The following TENM2 variants were observed in gnomAD, a reference collection of about 807,000 sequenced individuals.
The protein encoded by TENM2 is teneurin-2.
In TENM2, 52 loss-of-function variants were observed where a neutral mutation model predicts 245.2. The observed-to-expected ratio is 0.21, with a 90% CI of 0.17 to 0.27. The LOEUF (loss-of-function observed/expected upper bound fraction) is 0.27. TENM2 is among the 10% of genes least tolerant of loss of function. TENM2 has a pLI of 1.00. For synonymous variants in TENM2, 1,363 were observed against 1,438.9 expected, an observed-to-expected ratio of 0.95 and a Z score of 1.19; for missense variants, 3,046 against 3,666.8, an observed-to-expected ratio of 0.83 and a Z score of 4.37.
At chr5:167,818,832 T>A (rs1041960922) in intron 2 of TENM2, among the ~76,000 whole-genome samples, 1 of 152,290 alleles carries the variant, frequency 6.6e-6, no homozygotes, top group Non-Finnish European at 1.5e-5. Flanking sequence ...CGGGTTGAAT[T>A]CCTTAGTGGG....
intron 2 of TENM2, among the ~76,000 whole-genome samples, chr5:167,379,405 A>T (rs1362772044): frequency 2.0e-5 from 3 of 152,124 alleles, no homozygotes; most frequent in Non-Finnish European, 4.4e-5. Flanking sequence ...ACCGGGGACA[A>T]TGTCCTTAGA....
chr5:167,945,324 G>T (rs191168178), intron 3 of TENM2, among the ~76,000 whole-genome samples: 37 of 152,180 alleles, frequency 2.4e-4, no homozygotes, highest in South Asian at 2.1e-4. Context: ...AAGCACCCGG[G>T]GGGGGCACAG....
intron 1 of TENM2, among the ~76,000 whole-genome samples, chr5:167,301,842 G>C (rs530744034): frequency 6.6e-6 from 1 of 152,250 alleles, no homozygotes; most frequent in East Asian, 1.9e-4. Context: ...GGCAGGTGGG[G>C]GAGGGCTAGT....
chr5:167,561,257 C>T (rs1773568669), intron 2 of TENM2, among the ~76,000 whole-genome samples: 1 of 152,202 alleles, frequency 6.6e-6, no homozygotes, highest in Non-Finnish European at 1.5e-5. Context: ...ATAACAATTA[C>T]ATTGCACATT....
chr5:167,367,791 G>T (rs1243809436), intron 1 of TENM2, among the ~76,000 whole-genome samples: 1 of 151,914 alleles, frequency 6.6e-6, no homozygotes, highest in African/African-American at 2.4e-5. Flanking sequence ...ATTTTGATTT[G>T]TCAAACAGAA....
chr5:167,965,448 G>C (rs1033312515), intron 4 of TENM2: 3 of 151,864 alleles, frequency 2.0e-5, no homozygotes, highest in Admixed American at 6.6e-5. Context: ...CAGATGCAGT[G>C]GTTCATACCT....
chr5:167,697,190 G>T (rs1249759974), intron 2 of TENM2, among the ~76,000 whole-genome samples: 2 of 152,162 alleles, frequency 1.3e-5, no homozygotes, highest in African/African-American at 2.4e-5. Flanking sequence ...ACCCCTGTCT[G>T]CCTGAGAAAG....
At chr5:167,005,338 T>C in the TENM2 span, among the ~76,000 whole-genome samples, 1 of 152,208 alleles carries the variant, frequency 6.6e-6, no homozygotes. Context: ...CAGTAGTCTG[T>C]CAGACAAGGG....
At chr5:167,501,103 C>G (rs1420208298) in intron 2 of TENM2, among the ~76,000 whole-genome samples, 1 of 152,170 alleles carries the variant, frequency 6.6e-6, no homozygotes, top group African/African-American at 2.4e-5. Flanking sequence ...CACACAAATA[C>G]TTTCTTTCTT....
At chr5:167,861,518 C>T (rs1339638160) in intron 2 of TENM2, among the ~76,000 whole-genome samples, 4 of 152,164 alleles carry the variant, frequency 2.6e-5, no homozygotes, top group Admixed American at 6.5e-5. Flanking sequence ...CATCTGGGCC[C>T]GGGTGCCCGT....
intron 11 of TENM2, among the ~76,000 whole-genome samples, 167 bp from the exon 14 acceptor site, chr5:168,126,587 T>A (rs1244441952): frequency 6.6e-6 from 1 of 152,116 alleles, no homozygotes; most frequent in Admixed American, 6.5e-5. Context: ...GAAAAAAAGA[T>A]CTAACAATGA....
At chr5:168,200,075 T>A (rs1179789421) in exon 17 of TENM2, 16 of 1,613,926 alleles carry the variant, frequency 9.9e-6, no homozygotes, top group Non-Finnish European at 1.2e-5. Context: ...TACACCTTCA[T>A]CTGGGACAAG....
At chr5:168,000,655 TA>T (rs1784357723) in intron 5 of TENM2, among the ~76,000 whole-genome samples, 1 of 152,168 alleles carries the variant, frequency 6.6e-6, no homozygotes, top group African/African-American at 2.4e-5. Flanking sequence ...GGTTGTCAAT[TA>T]AACTATGCCA....
chr5:168,114,345 C>G (rs1368965772), intron 9 of TENM2, among the ~76,000 whole-genome samples: 2 of 152,202 alleles, frequency 1.3e-5, no homozygotes, highest in African/African-American at 2.4e-5. Context: ...TCCACTTCTG[C>G]TCCGTAATAC....
chr5:168,130,673 G>A (rs1357717470), intron 12 of TENM2, among the ~76,000 whole-genome samples: 1 of 152,144 alleles, frequency 6.6e-6, no homozygotes, highest in African/African-American at 2.4e-5. Context: ...TGAGGTAGAC[G>A]GACCACTTGA....
chr5:167,842,389 G>A (rs1769609202), intron 2 of TENM2, among the ~76,000 whole-genome samples: 1 of 151,980 alleles, frequency 6.6e-6, no homozygotes, highest in South Asian at 2.1e-4. Flanking sequence ...AGGAGTTCAA[G>A]ACCAGCCTGG....
intron 2 of TENM2, among the ~76,000 whole-genome samples, chr5:167,830,730 G>A (rs1668880875): frequency 6.6e-6 from 1 of 152,174 alleles, no homozygotes; most frequent in Non-Finnish European, 1.5e-5. Context: ...TCTAGAACAG[G>A]AGTTCTCAAA....
At chr5:167,143,969 A>G in the TENM2 span, among the ~76,000 whole-genome samples, 2 of 152,084 alleles carry the variant, frequency 1.3e-5, no homozygotes, top group South Asian at 2.1e-4. Flanking sequence ...ACGTCATTAC[A>G]TATGCAAACT....
At chr5:167,700,150 T>A (rs1758044281) in intron 2 of TENM2, among the ~76,000 whole-genome samples, 1 of 151,978 alleles carries the variant, frequency 6.6e-6, no homozygotes, top group Admixed American at 6.6e-5. Context: ...GCTTAAAGAG[T>A]ACCTGACTCA....
Sources: allele counts gnomAD v4.1 joint callset (sites outside exome capture counted in the v4.1 genomes callset), GRCh38; gene constraint gnomAD v4.1.1; transcripts MANE v1.5; gene names NCBI Gene and HGNC (gene_info 2026-07-23, HGNC 2026-07-21).